COL8A1: variants seen among roughly 807,000 people sequenced by gnomAD.
The protein encoded by COL8A1 is collagen type VIII alpha 1 chain, also known as collagen alpha-1(VIII) chain.
COL8A1 carries 21 observed loss-of-function variants against 42.7 expected under a neutral mutation model. The ratio of observed to expected loss-of-function variants is 0.49; its 90% CI spans 0.35 to 0.71. COL8A1 has a LOEUF of 0.71. Among genes scored for constraint, COL8A1 ranks in the 30% least tolerant of loss-of-function variants. The probability of loss-of-function intolerance (pLI) is 0.01; values close to 1 mark genes in which losing one functional copy is unlikely to be tolerated. For synonymous variants in COL8A1, 367 were observed against 369.1 expected (o/e 0.99, Z 0.06); for missense variants, 788 against 962.4 (o/e 0.82, Z 2.40).
intron 1 of COL8A1, among the ~76,000 whole-genome samples, chr3:99,699,875 A>G (rs1463633224): frequency 6.6e-6 from 1 of 152,102 alleles, no homozygotes; most frequent in African/African-American, 2.4e-5. Context: ...TTAACATTTT[A>G]AGTACAGATC....
intron 1 of COL8A1, among the ~76,000 whole-genome samples, chr3:99,663,848 G>T (rs979799120): frequency 1.8e-4 from 28 of 152,002 alleles, no homozygotes; most frequent in Non-Finnish European, 3.2e-4. Context: ...ATTAATGTAG[G>T]TTATTTTTTA....
chr3:99,757,936 A>G (rs1033631239), intron 2 of COL8A1, among the ~76,000 whole-genome samples: 2 of 152,168 alleles, frequency 1.3e-5, no homozygotes, highest in African/African-American at 4.8e-5. Context: ...ACCTTTTAAA[A>G]TTTGTATAAG....
Position 99,796,499 on chromosome 3 carries a change from ATTGT to A in COL8A1, c.*366_*369del, listed in dbSNP as rs1238788790. On this transcript the variant is annotated 3_prime_UTR_variant, in exon 4 of 4. Coordinates refer to ENST00000652472, the MANE Select transcript of COL8A1 (RefSeq NM_020351.4). ...TAGCTAATGAAAGGCACTCACTCAT[ATTGT>A]TTACTTTAAAATATTTATAAATATG... 1.2e-5 allele frequency: 2 copies of A among 169,686 alleles called. No individual in the cohort carries two copies. Among genetic ancestry groups the A allele is most frequent in the Non-Finnish European group, 2.5e-5 (2 of 80,016 alleles). 10.5% of individuals were successfully genotyped at this position (169,686 alleles called of 1,614,324 possible).
chr3:99,726,431 C>G (rs1940327879), intron 1 of COL8A1, among the ~76,000 whole-genome samples: 1 of 151,298 alleles, frequency 6.6e-6, no homozygotes, highest in Non-Finnish European at 1.5e-5. Context: ...TCCCATTTGT[C>G]AATTTTGGCT....
intron 1 of COL8A1, among the ~76,000 whole-genome samples, chr3:99,684,738 G>T (rs535869188): frequency 3.9e-5 from 6 of 152,086 alleles, no homozygotes; most frequent in South Asian, 4.1e-4. Context: ...TTTTCTGAAC[G>T]GGAATTGTGC....
At chr3:99,716,092 T>C (rs887211985) in intron 1 of COL8A1, among the ~76,000 whole-genome samples, 2 of 152,066 alleles carry the variant, frequency 1.3e-5, no homozygotes, top group African/African-American at 4.8e-5. Context: ...TGATACACAT[T>C]TGAGTCCAAA....
At chr3:99,682,807 A>T (rs1409363947) in intron 1 of COL8A1, among the ~76,000 whole-genome samples, 4 of 152,120 alleles carry the variant, frequency 2.6e-5, no homozygotes, top group Admixed American at 2.6e-4. Flanking sequence ...GGTAAATAAA[A>T]TCTGAAAAAT....
intron 1 of COL8A1, among the ~76,000 whole-genome samples, chr3:99,708,628 T>A (rs995554350): frequency 6.6e-6 from 1 of 152,186 alleles, no homozygotes; most frequent in Non-Finnish European, 1.5e-5. Context: ...TTACAGTGGC[T>A]TTCTTGGAAC....
intron 2 of COL8A1, among the ~76,000 whole-genome samples, chr3:99,769,019 G>C (rs926623748): frequency 2.6e-5 from 4 of 152,154 alleles, no homozygotes; most frequent in African/African-American, 9.7e-5. Flanking sequence ...GTTGTTATTT[G>C]GTTGCTTTTG....
At chr3:99,767,970 A>G (rs918905106) in intron 2 of COL8A1, among the ~76,000 whole-genome samples, 3 of 152,224 alleles carry the variant, frequency 2.0e-5, no homozygotes, top group Non-Finnish European at 2.9e-5. Flanking sequence ...GGAGATTGTC[A>G]TGAACAGTAA....
intron 1 of COL8A1, among the ~76,000 whole-genome samples, chr3:99,706,567 G>GTT (rs1474468739): frequency 1.3e-5 from 2 of 152,158 alleles, no homozygotes; most frequent in African/African-American, 4.8e-5. Context: ...ACAACCTTGT[G>GTT]TTGTTACCAA....
intron 1 of COL8A1, among the ~76,000 whole-genome samples, chr3:99,676,146 A>C (rs1174975139): frequency 1.3e-5 from 2 of 152,242 alleles, no homozygotes; most frequent in East Asian, 3.9e-4. Context: ...TGGAAAATAT[A>C]AATAGTCCTA....
At chr3:99,677,522 G>C (rs1576426191) in intron 1 of COL8A1, among the ~76,000 whole-genome samples, 1 of 152,068 alleles carries the variant, frequency 6.6e-6, no homozygotes, top group Non-Finnish European at 1.5e-5. Context: ...ATAGTCCAAA[G>C]TCTCTTAAAG....
chr3:99,710,267 A>C (rs147075901), intron 1 of COL8A1, among the ~76,000 whole-genome samples: 49 of 152,226 alleles, frequency 3.2e-4, no homozygotes, highest in African/African-American at 1.2e-3. Flanking sequence ...CTCACCAAAT[A>C]TTCTCTTTGC....
intron 1 of COL8A1, among the ~76,000 whole-genome samples, chr3:99,689,235 T>A (rs953137174): frequency 2.0e-5 from 3 of 152,214 alleles, no homozygotes; most frequent in Non-Finnish European, 4.4e-5. Context: ...TGACACTAAC[T>A]CATCTACATG....
chr3:99,738,930 G>A (rs533157564), intron 1 of COL8A1, among the ~76,000 whole-genome samples: 18 of 152,126 alleles, frequency 1.2e-4, no homozygotes, highest in African/African-American at 2.7e-4. Flanking sequence ...CTCTTGGTGC[G>A]CCGTTTTTTA....
At chr3:99,750,470 A>T (rs1941122567) in intron 2 of COL8A1, among the ~76,000 whole-genome samples, 1 of 152,158 alleles carries the variant, frequency 6.6e-6, no homozygotes, top group Non-Finnish European at 1.5e-5. Context: ...ACTCTTTTGT[A>T]AATTTTTCAA....
intron 1 of COL8A1, among the ~76,000 whole-genome samples, chr3:99,667,545 G>T (rs1413367703): frequency 2.0e-5 from 3 of 152,040 alleles, no homozygotes; most frequent in Non-Finnish European, 4.4e-5. Flanking sequence ...TGTCTGATGT[G>T]GCTCTCTTCT....
intron 1 of COL8A1, among the ~76,000 whole-genome samples, chr3:99,677,145 CAT>C (rs566545901): frequency 2.1e-4 from 31 of 150,632 alleles, no homozygotes; most frequent in South Asian, 4.2e-4. Flanking sequence ...ACATCAATTA[CAT>C]ATATATATAT....
Sources: allele counts gnomAD v4.1 joint callset (sites outside exome capture counted in the v4.1 genomes callset), GRCh38; gene constraint gnomAD v4.1.1; transcripts MANE v1.5; gene names NCBI Gene and HGNC (gene_info 2026-07-23, HGNC 2026-07-21).